ADCK1: variants seen among roughly 807,000 people sequenced by gnomAD.
The protein encoded by ADCK1 is aarF domain-containing protein kinase 1.
Under a neutral mutation model 52.3 loss-of-function variants are expected in ADCK1, and 41 were observed. The observed-to-expected ratio is 0.78, with a 90% CI of 0.61 to 1.02. ADCK1 has a LOEUF of 1.02. Ranked by LOEUF, ADCK1 falls within the 50% of genes least tolerant of loss-of-function variation. The pLI, the probability that ADCK1 is intolerant of heterozygous loss-of-function variation, is 0.00. For synonymous variants in ADCK1, 250 were observed against 274.6 expected (o/e 0.91, Z 0.89); for missense variants, 658 against 679.5 (o/e 0.97, Z 0.35).
intron 4 of ADCK1, among the ~76,000 whole-genome samples, chr14:77,861,936 AGG>A (rs1013697038): frequency 6.6e-6 from 1 of 152,210 alleles, no homozygotes; most frequent in Non-Finnish European, 1.5e-5. Context: ...TGCAGAGGTG[AGG>A]GCACTCGAAG....
At chr14:77,832,341 A>T (rs17106425) in intron 3 of ADCK1, among the ~76,000 whole-genome samples, 7 of 152,150 alleles carry the variant, frequency 4.6e-5, no homozygotes, top group African/African-American at 1.4e-4. Flanking sequence ...CTTGATCTTG[A>T]TGTTCAGATA....
chr14:77,928,465 A>ATTT (rs35687694), intron 9 of ADCK1, among the ~76,000 whole-genome samples: 1 of 144,484 alleles, frequency 6.9e-6, no homozygotes, highest in Non-Finnish European at 1.5e-5. Context: ...TTGTTTTTGC[A>ATTT]TTTTTTTTTT....
chr14:77,876,652 C>A (rs1289434688), intron 4 of ADCK1, among the ~76,000 whole-genome samples: 1 of 152,150 alleles, frequency 6.6e-6, no homozygotes, highest in African/African-American at 2.4e-5. Context: ...AATGAGCATG[C>A]GCCCCAGTAA....
intron 3 of ADCK1, among the ~76,000 whole-genome samples, chr14:77,826,470 C>T (rs1459674525): frequency 6.6e-6 from 1 of 152,090 alleles, no homozygotes; most frequent in Non-Finnish European, 1.5e-5. Flanking sequence ...TAAGAGCCAA[C>T]GTGAAGTGTG....
chr14:77,837,153 C>CT (rs148898631), intron 3 of ADCK1, among the ~76,000 whole-genome samples: 2,237 of 140,994 alleles, frequency 0.016, 58 homozygotes, highest in African/African-American at 0.055. Context: ...CTTAAAAATT[C>CT]TTTTTTTTTT....
At chr14:77,885,188 C>T (rs949193204) in intron 4 of ADCK1, among the ~76,000 whole-genome samples, 2 of 152,170 alleles carry the variant, frequency 1.3e-5, no homozygotes, top group Admixed American at 1.3e-4. Flanking sequence ...TGATCCCAAA[C>T]CCAGGCCCAA....
At chr14:77,866,497 G>T (rs2082663690) in intron 4 of ADCK1, among the ~76,000 whole-genome samples, 1 of 152,130 alleles carries the variant, frequency 6.6e-6, no homozygotes, top group Admixed American at 6.5e-5. Context: ...ACTTTGGGGG[G>T]TTACCTGGGG....
intron 1 of ADCK1, among the ~76,000 whole-genome samples, chr14:77,806,961 C>T (rs917769688): frequency 4.6e-5 from 7 of 151,404 alleles, no homozygotes; most frequent in African/African-American, 1.5e-4. Flanking sequence ...ATGATCCAGC[C>T]GTCTCAGCCT....
chr14:77,887,041 A>C (rs1456139397), intron 4 of ADCK1, 50 bp from the exon 5 acceptor site: 7 of 1,492,592 alleles, frequency 4.7e-6, no homozygotes, highest in Non-Finnish European at 5.4e-6. Flanking sequence ...GCTCCCTCTC[A>C]CTGAACTGGG....
chr14:77,836,988 C>T (rs1415146472), intron 3 of ADCK1, among the ~76,000 whole-genome samples: 3 of 151,674 alleles, frequency 2.0e-5, no homozygotes, highest in African/African-American at 7.3e-5. Flanking sequence ...CAGGGTTTCA[C>T]CATGTTGGTC....
At chr14:77,854,871 A>G (rs535954883) in intron 3 of ADCK1, among the ~76,000 whole-genome samples, 1 of 152,098 alleles carries the variant, frequency 6.6e-6, no homozygotes, top group African/African-American at 2.4e-5. Flanking sequence ...TGTGCTTTTC[A>G]TATGCAAATC....
chr14:77,811,410 T>C (rs2081336062), intron 1 of ADCK1, among the ~76,000 whole-genome samples: 1 of 152,156 alleles, frequency 6.6e-6, no homozygotes, highest in Non-Finnish European at 1.5e-5. Context: ...ATTTAGCAGC[T>C]TGCCTATGGT....
At chr14:77,899,868 G>A (rs1266802072) in intron 6 of ADCK1, among the ~76,000 whole-genome samples, 1 of 151,994 alleles carries the variant, frequency 6.6e-6, no homozygotes, top group Non-Finnish European at 1.5e-5. Flanking sequence ...TCAGGAGTTC[G>A]AGACCAGCCT....
intron 1 of ADCK1, among the ~76,000 whole-genome samples, chr14:77,818,473 G>T (rs1294222003): frequency 6.6e-6 from 1 of 152,086 alleles, no homozygotes; most frequent in Non-Finnish European, 1.5e-5. Flanking sequence ...GTAGAGACGG[G>T]GTTTCGTCTT....
At position 77,843,905 on chromosome 14, in the gene ADCK1, C is replaced by T. The variant is rs574109722; in HGVS notation, c.220-15171C>T. The stretch of plus-strand genomic sequence containing the variant: ...CTAGCAACTGCCCTCTCCAGATACC[C>T]CCATCTGCCACCTTCCTTTTAGGAT... On this transcript the variant is annotated intron_variant, in intron 3 of 10. Coordinates refer to ENST00000238561, the MANE Select transcript of ADCK1 (RefSeq NM_020421.4). Among the ~76,000 whole-genome samples the T allele has an allele frequency of 2.6e-5, 4 of 152,246 alleles. No homozygotes were observed. The East Asian group carries it at 7.7e-4, about 29-fold the overall frequency.
chr14:77,805,835 C>T (rs960364724), intron 1 of ADCK1, among the ~76,000 whole-genome samples: 4 of 151,922 alleles, frequency 2.6e-5, no homozygotes, highest in African/African-American at 9.7e-5. Context: ...TTAGGTTCTA[C>T]AATAGTGATG....
At chr14:77,929,212 A>T (rs1489011663) in intron 9 of ADCK1, among the ~76,000 whole-genome samples, 1 of 152,196 alleles carries the variant, frequency 6.6e-6, no homozygotes, top group Non-Finnish European at 1.5e-5. Flanking sequence ...ATGAAGGAGA[A>T]TGTTTTCCCC....
At chr14:77,858,578 TC>T (rs948368183) in intron 3 of ADCK1, among the ~76,000 whole-genome samples, 3 of 152,118 alleles carry the variant, frequency 2.0e-5, no homozygotes, top group African/African-American at 4.8e-5. Flanking sequence ...GAGTTTATCT[TC>T]TTTAAAGATA....
At chr14:77,924,434 C>CA (rs2084135981) in intron 7 of ADCK1, 23 bp from the exon 8 acceptor site, 1 of 1,612,462 alleles carries the variant, frequency 6.2e-7, no homozygotes, top group Non-Finnish European at 8.5e-7. Flanking sequence ...GAGGAGCTCC[C>CA]ACCTGCCCCT....
Sources: allele counts gnomAD v4.1 joint callset (sites outside exome capture counted in the v4.1 genomes callset), GRCh38; gene constraint gnomAD v4.1.1; transcripts MANE v1.5; gene names NCBI Gene and HGNC (gene_info 2026-07-23, HGNC 2026-07-21).